BBS2: variants seen among roughly 807,000 people sequenced by gnomAD.
The protein encoded by BBS2 is Bardet-Biedl syndrome 2.
In BBS2, 62 loss-of-function variants were observed where a neutral mutation model predicts 83.0. The observed-to-expected ratio is 0.75, with a 90% CI of 0.61 to 0.92. The LOEUF (loss-of-function observed/expected upper bound fraction) is 0.92, where lower values mean the gene tolerates loss of function less well. BBS2 is among the 40% of genes least tolerant of loss of function. The pLI is 0.00. For missense variants in BBS2, 784 were observed against 901.0 expected, an observed-to-expected ratio of 0.87 and a Z score of 1.66; for synonymous variants, 303 against 326.1, an observed-to-expected ratio of 0.93 and a Z score of 0.76.
At chr16:56,514,819 C>T (rs1258316708) in intron 1 of BBS2, 139 bp from the exon 2 acceptor site, 4 of 666,982 alleles carry the variant, frequency 6.0e-6, no homozygotes, top group Admixed American at 2.7e-5. Flanking sequence ...TTAAAACACT[C>T]GTACATAGTT....
chr16:56,502,903 C>T (rs1484865994), intron 7 of BBS2, 95 bp from the exon 8 acceptor site: 2 of 1,451,868 alleles, frequency 1.4e-6, no homozygotes, highest in East Asian at 4.9e-5. Flanking sequence ...GTCATTTAGT[C>T]TAGCAGTTTT....
intron 15 of BBS2, among the ~76,000 whole-genome samples, chr16:56,486,094 A>G (rs576990618): frequency 1.3e-5 from 2 of 152,308 alleles, no homozygotes; most frequent in East Asian, 3.9e-4. Context: ...CTGGTTGACA[A>G]CTCAGCCTTG....
chr16:56,503,141 C>T (rs1459292722), intron 7 of BBS2, among the ~76,000 whole-genome samples: 3 of 152,176 alleles, frequency 2.0e-5, no homozygotes, highest in Admixed American at 1.3e-4. Context: ...ATGGCCAAAC[C>T]GCTCAGGTTC....
At position 56,501,598 on chromosome 16, in the gene BBS2, A is replaced by G. The variant is rs9929628; in HGVS notation, c.1081-101T>C. 0.11 allele frequency: 153,395 copies of G among 1,422,360 alleles called. 9,090 individuals carry two copies. The highest frequency in any genetic ancestry group is 0.18 in the African/African-American group (12,961 of 70,306). 88.1% of individuals were successfully genotyped at this position (1,422,360 alleles called of 1,614,324 possible). A position where few individuals can be genotyped will look rare whatever the true frequency, so the allele number is the denominator to read the frequency against. On this transcript the variant is annotated intron_variant, in intron 9 of 16. Coordinates refer to ENST00000245157, the MANE Select transcript of BBS2 (RefSeq NM_031885.5). Reference sequence around the variant, plus strand: ...TTCAGCTTCAAAAGACAGAGCCTCCAGCATATTATTATTATTATAGTAATC... The same window carrying G: ...TTCAGCTTCAAAAGACAGAGCCTCCGGCATATTATTATTATTATAGTAATC...
chr16:56,497,537 C>T, intron 14 of BBS2: 2 of 634,622 alleles, frequency 3.2e-6, no homozygotes, highest in Non-Finnish European at 5.4e-6. Flanking sequence ...ACAAAGCAAG[C>T]ATGGTGCTCA....
chr16:56,483,673 T>C (rs1241617675), downstream of BBS2, among the ~76,000 whole-genome samples: 2 of 152,112 alleles, frequency 1.3e-5, no homozygotes, highest in African/African-American at 2.4e-5. Context: ...CTTTCAGTGA[T>C]TAAAAAGCAC....
At chr16:56,479,922 G>A (rs991944190), downstream of BBS2, among the ~76,000 whole-genome samples, 3 of 152,212 alleles carry the variant, frequency 2.0e-5, no homozygotes. Flanking sequence ...CATGCCTGTG[G>A]GTTGCAGCTT....
intron 14 of BBS2, 117 bp from the exon 15 acceptor site, chr16:56,497,196 T>TTGGTATAAGCGA: frequency 1.3e-6 from 1 of 772,820 alleles, no homozygotes. Context: ...TGTTCGCTTA[T>TTGGTATAAGCGA]ACCAATTAAG....
chr16:56,510,857 AC>A lies in BBS2; in HGVS notation c.534+1del. Reference sequence around the variant, plus strand: ...AAGAGAGATATCTCCTCCCCCACATACCTCTTTCTTTCCATCACCATCAAAG... The same window carrying A: ...AAGAGAGATATCTCCTCCCCCACATACTCTTTCTTTCCATCACCATCAAAG... On this transcript the variant is annotated splice_donor_variant, in intron 4 of 16. Coordinates refer to ENST00000245157, the MANE Select transcript of BBS2 (RefSeq NM_031885.5). LOFTEE classifies it high-confidence loss of function. 6.2e-7 allele frequency: 1 copy of A among 1,613,944 alleles called. No homozygotes were observed. Among genetic ancestry groups the A allele is most frequent in the Non-Finnish European group, 8.5e-7 (1 of 1,179,912 alleles).
Position 56,497,788 on chromosome 16 carries a change from C to T in BBS2, c.1752G>A (p.Ala584=), listed in dbSNP as rs1488820299. ...FFAIEDLQVE[A]DFPVYFEELR... is the part of the protein sequence containing the mutation. ...ATTCCTCAAAATAGACAGGAAAATC[C>T]GCTTCTACTTGAAGGTCTTCAATAG... Residue 584 remains alanine, a synonymous_variant, in exon 14 of 17, where the codon GCG becomes GCA. Transcript: ENST00000245157. 6.8e-6 allele frequency: 11 copies of T among 1,613,228 alleles called. No individual in the cohort carries two copies. The highest frequency in any genetic ancestry group is 5.0e-5 in the Admixed American group (3 of 59,950).
At chr16:56,498,264 A>G (rs1205302553) in intron 13 of BBS2, among the ~76,000 whole-genome samples, 173 bp downstream of exon 13, 1 of 152,202 alleles carries the variant, frequency 6.6e-6, no homozygotes, top group Non-Finnish European at 1.5e-5. Flanking sequence ...AACCATGTGA[A>G]AAAAATAAAA....
downstream of BBS2, among the ~76,000 whole-genome samples, chr16:56,480,352 C>CAAAAAAAAAAAAAAAAAAAA (rs1286219655): frequency 7.2e-4 from 55 of 76,488 alleles, 1 homozygote; most frequent in African/African-American, 1.3e-3. Context: ...CACACACACA[C>CAAAAAAAAAAAAAAAAAAAA]AAAAAAAAAA....
At chr16:56,494,695 G>C (rs1964063673) in intron 15 of BBS2, among the ~76,000 whole-genome samples, 1 of 152,196 alleles carries the variant, frequency 6.6e-6, no homozygotes, top group Admixed American at 6.5e-5. Flanking sequence ...GGGCGCAGTA[G>C]CTCACACCTG....
At chr16:56,517,577 T>C (rs1004258192) in intron 1 of BBS2, among the ~76,000 whole-genome samples, 2 of 152,224 alleles carry the variant, frequency 1.3e-5, no homozygotes, top group African/African-American at 2.4e-5. Context: ...TTTTCTCCTA[T>C]GAAAACACTT....
chr16:56,505,206 T>C (rs1170505438), intron 7 of BBS2, among the ~76,000 whole-genome samples: 3 of 152,238 alleles, frequency 2.0e-5, no homozygotes, highest in Non-Finnish European at 4.4e-5. Flanking sequence ...TTAGTACCCA[T>C]ACTAATGACA....
rs914930776 is a variant in BBS2 at position 56,519,963 on chromosome 16, G to T, written c.-101C>A. 5.9e-6 allele frequency: 6 copies of T among 1,025,370 alleles called. No homozygotes were observed. In the African/African-American group the frequency reaches 6.4e-5, roughly 11 times the overall value. The allele number at this position is 1,025,370 out of a possible 1,614,324, so 63.5% of individuals were successfully genotyped here. A position where few individuals can be genotyped will look rare whatever the true frequency, so the allele number is the denominator to read the frequency against. On this transcript the variant is annotated 5_prime_UTR_variant, in exon 1 of 17. Coordinates refer to ENST00000245157, the MANE Select transcript of BBS2 (RefSeq NM_031885.5). The stretch of plus-strand genomic sequence containing the variant: ...AGAAGTGCAGGGACACTACCTGCGC[G>T]GCCCCAGCCGCCTCAGGCCGGACGC...
chr16:56,484,373 A>G (rs1189268961), downstream of BBS2: 1 of 184,712 alleles, frequency 5.4e-6, no homozygotes, highest in African/African-American at 2.4e-5. Context: ...TTTATAATCA[A>G]TCAACACAAA....
intron 15 of BBS2, among the ~76,000 whole-genome samples, chr16:56,488,011 CA>C (rs1323069901): frequency 6.6e-6 from 1 of 152,112 alleles, no homozygotes; most frequent in African/African-American, 2.4e-5. Context: ...GTGATGGTTA[CA>C]CATTATGAAC....
At chr16:56,477,339 C>T (rs908211263) in intron 17 of BBS2, 3 of 152,036 alleles carry the variant, frequency 2.0e-5, no homozygotes, top group East Asian at 1.9e-4. Context: ...AGTATTATTC[C>T]CTTGGAAAGG....
Sources: allele counts gnomAD v4.1 joint callset (sites outside exome capture counted in the v4.1 genomes callset), GRCh38; gene constraint gnomAD v4.1.1; transcripts MANE v1.5; gene names NCBI Gene and HGNC (gene_info 2026-07-23, HGNC 2026-07-21).